Variants in DLGAP2 observed in about 807,000 individuals in gnomAD.
The protein encoded by DLGAP2 is disks large-associated protein 2.
A neutral mutation model predicts 100.3 loss-of-function variants in DLGAP2; 26 were observed. The observed-to-expected ratio is 0.26, with a 90% CI of 0.19 to 0.36. The LOEUF is 0.36. Ranked by LOEUF, DLGAP2 falls within the 10% of genes least tolerant of loss-of-function variation. DLGAP2 has a pLI of 1.00. For missense variants in DLGAP2, 1,858 were observed against 1,453.2 expected (o/e 1.28, Z -4.53); for synonymous variants, 886 against 630.1 (o/e 1.41, Z -6.08).
chr8:1,694,032 T>C (rs534250373), intron 13 of DLGAP2, among the ~76,000 whole-genome samples: 1 of 152,330 alleles, frequency 6.6e-6, no homozygotes, highest in South Asian at 2.1e-4. Flanking sequence ...CAGCCCAAGG[T>C]GCATATTCAG....
intron 3 of DLGAP2, among the ~76,000 whole-genome samples, chr8:1,474,272 C>G (rs750641193): frequency 2.6e-5 from 4 of 152,032 alleles, no homozygotes; most frequent in Non-Finnish European, 5.9e-5. Context: ...TTTCTTTATC[C>G]ACTTATTGAT....
intron 2 of DLGAP2, among the ~76,000 whole-genome samples, chr8:1,051,245 A>G (rs1325569887): frequency 6.6e-6 from 1 of 152,076 alleles, no homozygotes. Flanking sequence ...TTTTCTCCAG[A>G]GGCCTCATTG....
intron 2 of DLGAP2, among the ~76,000 whole-genome samples, chr8:1,111,500 A>G (rs1251097970): frequency 6.6e-6 from 1 of 152,074 alleles, no homozygotes; most frequent in Non-Finnish European, 1.5e-5. Context: ...TTCATCACCC[A>G]GGTTTAATTA....
chr8:1,318,087 G>A (rs139318768), intron 3 of DLGAP2, among the ~76,000 whole-genome samples: 162 of 52,878 alleles, frequency 3.1e-3, no homozygotes, highest in Middle Eastern at 0.013. Flanking sequence ...AAAATAGAGC[G>A]TGTGCGAGTG....
In DLGAP2 at chr8:1,706,360, G is replaced by A. The variant is rs1036121597; in HGVS notation, c.*4954G>A. ...TGACATATTGGCTCTAAAGTCCTTT[G>A]AGCTCCTGGGAACAGGTGGTGAAAG... On this transcript the variant is annotated 3_prime_UTR_variant, in exon 15 of 15. Coordinates refer to ENST00000637795, the MANE Select transcript of DLGAP2 (RefSeq NM_001346810.2). The A allele has an allele frequency of 2.0e-5, 3 of 152,194 alleles. No individual in the cohort carries two copies. Among genetic ancestry groups the A allele is most frequent in the African/African-American group, 7.2e-5 (3 of 41,432 alleles). The allele number at this position is 152,194 out of a possible 1,614,324, so 9.4% of individuals were successfully genotyped here. A position where few individuals can be genotyped will look rare whatever the true frequency, so the allele number is the denominator to read the frequency against.
intron 2 of DLGAP2, among the ~76,000 whole-genome samples, chr8:1,103,089 G>C (rs933765059): frequency 2.0e-5 from 3 of 151,894 alleles, no homozygotes; most frequent in African/African-American, 7.3e-5. Context: ...ACTTTCTGGG[G>C]GTCTCTGAGG....
At chr8:1,182,165 C>G (rs543708651) in intron 2 of DLGAP2, among the ~76,000 whole-genome samples, 1 of 152,216 alleles carries the variant, frequency 6.6e-6, no homozygotes, top group Non-Finnish European at 1.5e-5. Flanking sequence ...GCTGCCACTT[C>G]GTTTGCACGG....
chr8:1,227,174 A>ATATATATATATATATATATATATATATG (rs1563265041), intron 2 of DLGAP2, among the ~76,000 whole-genome samples: 1 of 65,170 alleles, frequency 1.5e-5, no homozygotes, highest in Non-Finnish European at 2.8e-5. Flanking sequence ...ATATATATAT[A>ATATATATATATATATATATATATATATG]GTATAGATAT....
chr8:1,626,848 G>T lies in DLGAP2; in HGVS notation c.1551G>T (p.Arg517Ser), dbSNP rs1797517405. 1 of 1,606,856 alleles carries T rather than the reference G, an allele frequency of 6.2e-7. No homozygotes were observed. The highest frequency in any genetic ancestry group is 8.5e-7 in the Non-Finnish European group (1 of 1,176,942). ...GCTCCCGGAACCAGAGCTACATGAG[G>T]GCCGTCAGCACCCTGAGCCAGGCCA... Reference protein sequence around the residue: ...KFRSRNQSYMRAVSTLSQASC... With the variant: ...KFRSRNQSYMSAVSTLSQASC... Residue 517 changes from arginine (R) to serine (S), a missense_variant, in exon 7 of 15, where the codon AGG becomes AGT. Physicochemically the swap from Arg to Ser is moderately radical, Grantham distance 110 (BLOSUM62 -1). Coordinates refer to ENST00000637795, the MANE Select transcript of DLGAP2 (RefSeq NM_001346810.2).
At chr8:1,065,835 G>A (rs548959352) in intron 2 of DLGAP2, among the ~76,000 whole-genome samples, 121 of 152,262 alleles carry the variant, frequency 7.9e-4, no homozygotes, top group African/African-American at 2.8e-3. Flanking sequence ...GGGATGGCCT[G>A]GGTCCCAGGA....
At position 1,669,782 on chromosome 8, in the gene DLGAP2, G is replaced by T. The variant is rs761426033; in HGVS notation, c.2200G>T (p.Asp734Tyr). The change falls in exon 10 of 15, where the codon GAT becomes TAT. Residue 734 changes from aspartate (D) to tyrosine (Y), a missense_variant and splice_region_variant. Asp to Tyr is a radical substitution (Grantham distance 160, BLOSUM62 -3). Coordinates refer to ENST00000637795, the MANE Select transcript of DLGAP2 (RefSeq NM_001346810.2). ...FPEHQPYPRS[D>Y]VETATDSDTE... ...AGAGCATCAGCCATACCCAAGGTCA[G>T]ATGTAAGTACCGAAATGTGCTCCAA... 5.1e-6 allele frequency: 4 copies of T among 780,810 alleles called. No individual in the cohort carries two copies. Among genetic ancestry groups the T allele is most frequent in the Middle Eastern group, 2.2e-4 (1 of 4,460 alleles). 48.4% of individuals were successfully genotyped at this position (780,810 alleles called of 1,614,324 possible). A position where few individuals can be genotyped will look rare whatever the true frequency, so the allele number is the denominator to read the frequency against.
At chr8:1,077,451 G>T (rs1038324447) in intron 2 of DLGAP2, among the ~76,000 whole-genome samples, 3 of 152,180 alleles carry the variant, frequency 2.0e-5, no homozygotes, top group African/African-American at 4.8e-5. Flanking sequence ...CTTCTAAAGT[G>T]AGTCACTTTC....
At chr8:1,455,237 C>T (rs1303583772) in intron 3 of DLGAP2, among the ~76,000 whole-genome samples, 2 of 152,248 alleles carry the variant, frequency 1.3e-5, no homozygotes, top group Non-Finnish European at 2.9e-5. Context: ...GACGCCCAGT[C>T]AGGTGCAGGT....
chr8:1,454,967 CCA>C (rs1373024637), intron 3 of DLGAP2, among the ~76,000 whole-genome samples: 5 of 152,176 alleles, frequency 3.3e-5, no homozygotes, highest in Admixed American at 1.3e-4. Flanking sequence ...CCCCCAGTTT[CCA>C]CACATTCACC....
chr8:1,365,892 G>C (rs78915991), intron 3 of DLGAP2, among the ~76,000 whole-genome samples: 2,597 of 152,310 alleles, frequency 0.017, 78 homozygotes, highest in African/African-American at 0.058. Flanking sequence ...ATAAACATCT[G>C]CCCAGGAGGA....
intron 3 of DLGAP2, among the ~76,000 whole-genome samples, chr8:1,499,810 A>G (rs1286555217): frequency 6.6e-6 from 1 of 152,248 alleles, no homozygotes; most frequent in African/African-American, 2.4e-5. Flanking sequence ...TCAGCATCTC[A>G]CATTCCAAAT....
chr8:1,357,603 GC>G (rs1801885150), intron 3 of DLGAP2, among the ~76,000 whole-genome samples: 1 of 152,084 alleles, frequency 6.6e-6, no homozygotes, highest in African/African-American at 2.4e-5. Context: ...TCCCTGGAAA[GC>G]ACGCTTTATA....
At chr8:1,621,779 G>A (rs1225252588) in intron 6 of DLGAP2, 1 of 152,270 alleles carries the variant, frequency 6.6e-6, no homozygotes, top group East Asian at 1.9e-4. Flanking sequence ...TGGCGTTTCC[G>A]AGCCTCTGCG....
intron 2 of DLGAP2, among the ~76,000 whole-genome samples, chr8:963,012 G>A (rs555074041): frequency 2.0e-4 from 31 of 152,284 alleles, no homozygotes; most frequent in East Asian, 1.7e-3. Context: ...GGCAGCCCTC[G>A]CACAGCCATG....
Sources: allele counts gnomAD v4.1 joint callset (sites outside exome capture counted in the v4.1 genomes callset), GRCh38; gene constraint gnomAD v4.1.1; transcripts MANE v1.5; gene names NCBI Gene and HGNC (gene_info 2026-07-23, HGNC 2026-07-21).